Variants in TMEM164 observed in about 807,000 individuals in gnomAD.
The protein encoded by TMEM164 is transmembrane protein 164.
Under a neutral mutation model 18.8 loss-of-function variants are expected in TMEM164, and 4 were observed. That is an observed-to-expected ratio of 0.21 (90% CI 0.10 to 0.49). TMEM164 has a LOEUF of 0.49. Ranked by LOEUF, TMEM164 falls within the 20% of genes least tolerant of loss-of-function variation. The probability of loss-of-function intolerance (pLI) is 0.98; values close to 1 mark genes in which losing one functional copy is unlikely to be tolerated. For synonymous variants in TMEM164, 86 were observed against 101.7 expected, an observed-to-expected ratio of 0.85 and a Z score of 0.93; for missense variants, 108 against 239.9, an observed-to-expected ratio of 0.45 and a Z score of 3.63.
intron 2 of TMEM164, among the ~76,000 whole-genome samples, chrX:110,025,544 A>G (rs763799460): frequency 6.4e-4 from 72 of 112,404 alleles, no homozygotes; most frequent in African/African-American, 2.2e-3. Flanking sequence ...TGTTCCTGCC[A>G]TGAATATCCT....
At chrX:110,043,741 C>T (rs1935191901) in intron 2 of TMEM164, among the ~76,000 whole-genome samples, 2 of 111,928 alleles carry the variant, frequency 1.8e-5, no homozygotes, top group Non-Finnish European at 3.8e-5. Flanking sequence ...AGTGAAAGTC[C>T]CCCATAAACC....
intron 4 of TMEM164, among the ~76,000 whole-genome samples, chrX:110,144,581 C>T (rs1313927220): frequency 9.0e-6 from 1 of 111,320 alleles, no homozygotes; most frequent in African/African-American, 3.3e-5. Context: ...TTACAAGTAC[C>T]TTCTCTACAA....
chrX:110,065,054 T>C (rs907780185), intron 2 of TMEM164: 5 of 90,857 alleles, frequency 5.5e-5, no homozygotes, highest in Non-Finnish European at 1.1e-4. Flanking sequence ...ATGATAGAAA[T>C]AGGCAAGACA....
rs2067299041 is a variant in TMEM164, at chrX:110,177,115, T to C, written c.*3664T>C. On this transcript the variant is annotated 3_prime_UTR_variant, in exon 7 of 7. Transcript: ENST00000372068. ...TCGCTTGTTGCTCTCGTCTGTGACA[T>C]TTTTGTACACTGGTTTGCTACTCAT... 8.9e-6 allele frequency: 1 copy of C among 112,215 alleles called. No individual in the cohort carries two copies. Among genetic ancestry groups the C allele is most frequent in the Admixed American group, 9.4e-5 (1 of 10,695 alleles). 9.2% of individuals were successfully genotyped at this position (112,215 alleles called of 1,213,427 possible).
At chrX:110,019,401 T>C (rs1276066956) in intron 2 of TMEM164, among the ~76,000 whole-genome samples, 2 of 111,539 alleles carry the variant, frequency 1.8e-5, no homozygotes, top group Admixed American at 1.9e-4. Context: ...TGTTGTTGTT[T>C]ATCACTGTCA....
At chrX:110,041,146 T>C (rs1935072418) in intron 2 of TMEM164, among the ~76,000 whole-genome samples, 1 of 112,156 alleles carries the variant, frequency 8.9e-6, no homozygotes, top group African/African-American at 3.2e-5. Flanking sequence ...AAAATGTTTG[T>C]TGTAAATTGA....
At chrX:110,005,134 A>G (rs1932617020) in intron 2 of TMEM164, among the ~76,000 whole-genome samples, 1 of 112,116 alleles carries the variant, frequency 8.9e-6, no homozygotes, top group Non-Finnish European at 1.9e-5. Context: ...GGTGTGTTTT[A>G]TTCAGGGGCA....
intron 2 of TMEM164, among the ~76,000 whole-genome samples, chrX:110,053,415 A>C (rs1028440632): frequency 5.4e-5 from 6 of 111,936 alleles, no homozygotes; most frequent in Non-Finnish European, 1.1e-4. Flanking sequence ...CTTTTATTAC[A>C]TTCTCATTTT....
At chrX:110,012,518 G>A (rs900297703) in intron 2 of TMEM164, among the ~76,000 whole-genome samples, 1 of 112,181 alleles carries the variant, frequency 8.9e-6, no homozygotes, top group African/African-American at 3.2e-5. Flanking sequence ...TTTTTAAGCA[G>A]ATGTCCTTTC....
intron 4 of TMEM164, among the ~76,000 whole-genome samples, chrX:110,117,808 T>C (rs2066392118): frequency 8.9e-6 from 1 of 112,429 alleles, no homozygotes; most frequent in Non-Finnish European, 1.9e-5. Flanking sequence ...TTTACACTTA[T>C]CCTTTGCTTG....
intron 3 of TMEM164, among the ~76,000 whole-genome samples, chrX:110,096,541 G>T (rs909086278): frequency 3.6e-5 from 4 of 112,503 alleles, no homozygotes; most frequent in Admixed American, 9.4e-5. Flanking sequence ...TTGGAAAAGC[G>T]CAGTATTAGG....
intron 4 of TMEM164, among the ~76,000 whole-genome samples, chrX:110,137,548 G>A (rs1236194000): frequency 8.9e-6 from 1 of 112,050 alleles, no homozygotes; most frequent in Non-Finnish European, 1.9e-5. Context: ...TCTGCCTCAA[G>A]TAGCAAACCC....
chrX:110,130,040 C>T (rs1163961692), intron 4 of TMEM164, among the ~76,000 whole-genome samples: 1 of 112,339 alleles, frequency 8.9e-6, no homozygotes, highest in African/African-American at 3.2e-5. Flanking sequence ...ATAGTTGGCA[C>T]ATAGTAGATG....
chrX:110,049,814 C>T (rs182862771), intron 2 of TMEM164, among the ~76,000 whole-genome samples: 22 of 111,608 alleles, frequency 2.0e-4, no homozygotes, highest in African/African-American at 6.8e-4. Flanking sequence ...AGGTACATGA[C>T]TGGGTGGAGA....
chrX:110,114,441 G>A (rs1342255106), intron 4 of TMEM164, among the ~76,000 whole-genome samples: 1 of 111,902 alleles, frequency 8.9e-6, no homozygotes, highest in African/African-American at 3.2e-5. Flanking sequence ...CTATACCCGT[G>A]ACTTTGCAAA....
intron 4 of TMEM164, among the ~76,000 whole-genome samples, chrX:110,135,050 CATTT>C (rs1320516307): frequency 5.7e-5 from 2 of 35,268 alleles, no homozygotes; most frequent in East Asian, 2.9e-4. Flanking sequence ...TGAATACATT[CATTT>C]GTTATAAAAA....
chrX:110,085,365 T>G (rs1205373326), intron 3 of TMEM164, among the ~76,000 whole-genome samples: 1 of 106,973 alleles, frequency 9.3e-6, no homozygotes, highest in Non-Finnish European at 1.9e-5. Context: ...TAAAACAGGG[T>G]TTTGCGGTGT....
chrX:110,102,518 A>T (rs1396876212), intron 3 of TMEM164, among the ~76,000 whole-genome samples: 1 of 112,143 alleles, frequency 8.9e-6, no homozygotes, highest in Admixed American at 9.5e-5. Flanking sequence ...CAAGTACTAA[A>T]TTAAAATAGA....
intron 4 of TMEM164, among the ~76,000 whole-genome samples, chrX:110,110,622 A>C (rs2066278197): frequency 8.9e-6 from 1 of 112,194 alleles, no homozygotes; most frequent in Non-Finnish European, 1.9e-5. Context: ...TGTTCATAGC[A>C]ATCAACTGAA....
Sources: allele counts gnomAD v4.1 joint callset (sites outside exome capture counted in the v4.1 genomes callset), GRCh38; gene constraint gnomAD v4.1.1; transcripts MANE v1.5; gene names NCBI Gene and HGNC (gene_info 2026-07-23, HGNC 2026-07-21).